Variants in CATSPERD observed in about 807,000 individuals in gnomAD.
CATSPERD encodes catsper channel auxiliary subunit delta.
In CATSPERD, 86 loss-of-function variants were observed where a neutral mutation model predicts 98.1. That is an observed-to-expected ratio of 0.88 (90% CI 0.74 to 1.05). The LOEUF (loss-of-function observed/expected upper bound fraction) is 1.05. CATSPERD is among the 50% of genes least tolerant of loss of function. CATSPERD has a pLI of 0.00. For missense variants in CATSPERD, 995 were observed against 1,005.7 expected, an observed-to-expected ratio of 0.99 and a Z score of 0.14; for synonymous variants, 394 against 390.2, an observed-to-expected ratio of 1.01 and a Z score of -0.12.
At chr19:5,777,016 T>C (rs1490053383) in intron 21 of CATSPERD, among the ~76,000 whole-genome samples, 1 of 152,048 alleles carries the variant, frequency 6.6e-6, no homozygotes, top group Non-Finnish European at 1.5e-5. Context: ...GAGAGCCAGT[T>C]GTTAAATATT....
Position 5,751,839 on chromosome 19 carries a change from T to A in CATSPERD, c.1164+16T>A. The A allele has an allele frequency of 6.3e-7, 1 of 1,597,936 alleles. No individual in the cohort carries two copies. The highest frequency in any genetic ancestry group is 1.1e-5 in the South Asian group (1 of 90,118). ...AAAGTGCAAGGTATGTGATCCTAAC[T>A]GTTTTGATCAATGTTCAATGTAGTT... On this transcript the variant is annotated intron_variant, in intron 12 of 21. Coordinates refer to ENST00000381624, the MANE Select transcript of CATSPERD (RefSeq NM_152784.4).
In CATSPERD at chr19:5,771,054, G is replaced by A; in HGVS notation, c.1745G>A (p.Trp582Ter). The A allele has an allele frequency of 6.2e-7, 1 of 1,613,752 alleles. No homozygotes were observed. The highest frequency in any genetic ancestry group is 8.5e-7 in the Non-Finnish European group (1 of 1,179,846). ...CTCCTCGTCTACTATGACACCCTATGGAAGCCCGTGGTGGAGCTGTAAGAC... is the reference window on the plus strand; with the variant it reads ...CTCCTCGTCTACTATGACACCCTATAGAAGCCCGTGGTGGAGCTGTAAGAC... ...CPLLVYYDTLWKPVVELWRKD... is the reference protein window; with the variant it reads ...CPLLVYYDTL Residue 582 changes from tryptophan to a stop codon, truncating the protein, a stop_gained, in exon 19 of 22, where the codon TGG becomes TAG. Transcript: ENST00000381624. LOFTEE classifies it high-confidence loss of function.
rs953203023 is a variant in CATSPERD, at chr19:5,759,081, C to T, written c.1369-5C>T. On this transcript the variant is annotated splice_polypyrimidine_tract_variant and splice_region_variant and intron_variant, in intron 14 of 21. Transcript: ENST00000381624. ...CACTTGGGATTTTCTCTCTTGACCC[C>T]ACAGGATATTTTCCTAAAACAGCAG... The T allele has an allele frequency of 1.9e-6, 3 of 1,613,634 alleles. No homozygotes were observed. In the African/African-American group the frequency reaches 4.0e-5, roughly 22 times the overall value.
intron 3 of CATSPERD, among the ~76,000 whole-genome samples, chr19:5,729,479 A>G (rs536798335): frequency 1.4e-4 from 22 of 152,278 alleles, no homozygotes; most frequent in African/African-American, 5.3e-4. Context: ...GAAATGATAT[A>G]CCATGTTCAT....
chr19:5,737,713 G>A (rs1331255695), intron 6 of CATSPERD, among the ~76,000 whole-genome samples: 1 of 151,706 alleles, frequency 6.6e-6, no homozygotes. Flanking sequence ...AGCCAGGCAT[G>A]GTGGCGTGTG....
chr19:5,752,186 G>C (rs933468969), intron 12 of CATSPERD, among the ~76,000 whole-genome samples: 18 of 152,048 alleles, frequency 1.2e-4, no homozygotes, highest in Non-Finnish European at 2.1e-4. Flanking sequence ...GCGGGCGCCT[G>C]TAATCCCACC....
chr19:5,739,287 A>C, intron 6 of CATSPERD, 39 bp from the exon 7 acceptor site: 236 of 1,017,328 alleles, frequency 2.3e-4, no homozygotes, highest in Non-Finnish European at 3.1e-4. Context: ...ACTTGCTGGC[A>C]TCTTTCTTTC....
intron 7 of CATSPERD, among the ~76,000 whole-genome samples, chr19:5,741,153 C>CA (rs56974376): frequency 0.042 from 6,410 of 152,132 alleles, 338 homozygotes; most frequent in African/African-American, 0.11. Flanking sequence ...ATGACACACC[C>CA]ACATGCCCAC....
chr19:5,725,288 A>T (rs772726040), intron 2 of CATSPERD, among the ~76,000 whole-genome samples: 3 of 152,094 alleles, frequency 2.0e-5, no homozygotes, highest in Non-Finnish European at 4.4e-5. Context: ...AGTAGCTGGG[A>T]TTATAGGTGT....
At chr19:5,721,029 C>T (rs2055454763) in intron 1 of CATSPERD, among the ~76,000 whole-genome samples, 1 of 148,294 alleles carries the variant, frequency 6.7e-6, no homozygotes, top group Non-Finnish European at 1.5e-5. Context: ...GACGGAGTCT[C>T]GCTCTGTCGC....
Position 5,778,559 on chromosome 19 carries a change from A to G in CATSPERD, c.2280A>G (p.Thr760=), listed in dbSNP as rs1443551544. Reference sequence around the variant, plus strand: ...GCCGCAGGATCAAGAAGTGTGCGACACAGCTGTGTAGGAGATGCAAGACGG... The same window carrying G: ...GCCGCAGGATCAAGAAGTGTGCGACGCAGCTGTGTAGGAGATGCAAGACGG... ...ARGRRIKKCA[T]QLCRRCKTVC... Residue 760 remains threonine (T), a synonymous_variant, in exon 22 of 22, where the codon ACA becomes ACG. Coordinates refer to ENST00000381624, the MANE Select transcript of CATSPERD (RefSeq NM_152784.4). The G allele has an allele frequency of 6.2e-7, 1 of 1,613,892 alleles. No individual in the cohort carries two copies. The highest frequency in any genetic ancestry group is 8.5e-7 in the Non-Finnish European group (1 of 1,180,016).
Position 5,739,332 on chromosome 19 carries a change from AG to A in CATSPERD, c.467del (p.Ser156IlefsTer43), listed in dbSNP as rs1296365418. 6.7e-7 allele frequency: 1 copy of A among 1,497,422 alleles called. No individual in the cohort carries two copies. The highest frequency in any genetic ancestry group is 1.8e-5 in the Admixed American group (1 of 55,582). 92.8% of individuals were successfully genotyped at this position (1,497,422 alleles called of 1,614,324 possible). The stretch of plus-strand genomic sequence containing the variant: ...TTCTTTTTTTTTTTTATAGCATGTC[AG>A]TAATTTGGTTTTTGCATATTTCCGT... ...YTGSLFCVHV[S>X]NLVFAYFRGD... On this transcript the variant is annotated frameshift_variant, in exon 7 of 22. Coordinates refer to ENST00000381624, the MANE Select transcript of CATSPERD (RefSeq NM_152784.4). LOFTEE classifies it high-confidence loss of function.
chr19:5,740,921 C>T lies in CATSPERD; in HGVS notation c.573+1482C>T, dbSNP rs147796363. Among the ~76,000 whole-genome samples, 62 of 151,614 alleles carry T rather than the reference C, an allele frequency of 4.1e-4. 1 individual carries two copies. Among genetic ancestry groups the T allele is most frequent in the African/African-American group, 1.4e-3 (59 of 41,302 alleles). On this transcript the variant is annotated intron_variant, in intron 7 of 21. Transcript: ENST00000381624. ...GCAATACGGGGAAACCCTGTCTCTA[C>T]CAAAAATATAACAATTAGCCGGGCA...
Position 5,724,804 on chromosome 19 carries a change from C to G in CATSPERD, c.72-4C>G, listed in dbSNP as rs2055572255. The G allele has an allele frequency of 6.2e-7, 1 of 1,613,854 alleles. No individual in the cohort carries two copies. Reference sequence around the variant, plus strand: ...TGACAGATGGTCTTTCTTGTCACTTCTAGTTCTCGCACAGTGAGGACAGGA... The same window carrying G: ...TGACAGATGGTCTTTCTTGTCACTTGTAGTTCTCGCACAGTGAGGACAGGA... On this transcript the variant is annotated splice_region_variant and splice_polypyrimidine_tract_variant and intron_variant, in intron 1 of 21. Coordinates refer to ENST00000381624, the MANE Select transcript of CATSPERD (RefSeq NM_152784.4).
intron 13 of CATSPERD, 85 bp from the exon 14 acceptor site, chr19:5,757,758 G>A (rs2056353257): frequency 7.3e-6 from 7 of 958,268 alleles, no homozygotes; most frequent in Non-Finnish European, 8.0e-6. Context: ...TTCATTTGAA[G>A]GTGTGCTGGG....
At chr19:5,749,268 G>A in intron 11 of CATSPERD, 85 bp downstream of exon 11, 4 of 891,370 alleles carry the variant, frequency 4.5e-6, no homozygotes, top group East Asian at 3.2e-5. Context: ...GAGGTGGAAG[G>A]ATCACCTGAG....
rs2056534958 is a variant in CATSPERD, at chr19:5,766,156, G to A, written c.1559+1G>A. ...TGGATAAAAAGATCGTCATCCAGAA[G>A]TAAGTATGTTGAGGCCGGGCACCAT... is the stretch of plus-strand genomic sequence containing the variant. On this transcript the variant is annotated splice_donor_variant, in intron 17 of 21. Transcript: ENST00000381624. LOFTEE classifies it high-confidence loss of function. 6.2e-7 allele frequency: 1 copy of A among 1,612,666 alleles called. No individual in the cohort carries two copies. Among genetic ancestry groups the A allele is most frequent in the Non-Finnish European group, 8.5e-7 (1 of 1,179,310 alleles).
chr19:5,763,374 A>G (rs1456714676), intron 16 of CATSPERD, 81 bp downstream of exon 16: 1 of 1,126,156 alleles, frequency 8.9e-7, no homozygotes, highest in Non-Finnish European at 1.3e-6. Context: ...GGTTGCAATG[A>G]GCTGAGATAG....
intron 1 of CATSPERD, among the ~76,000 whole-genome samples, chr19:5,724,253 G>C (rs1956860193): frequency 6.6e-6 from 1 of 151,692 alleles, no homozygotes; most frequent in Non-Finnish European, 1.5e-5. Flanking sequence ...AGTAGAGATG[G>C]GGTTTCACCA....
Sources: gnomAD v4.1 joint callset for allele counts (sites outside exome capture counted in the v4.1 genomes callset) on GRCh38, gnomAD v4.1.1 for gene constraint, MANE v1.5 for transcripts, NCBI Gene and HGNC (gene_info 2026-07-23, HGNC 2026-07-21) for gene names.